The following CD48 variants were observed in gnomAD, a reference collection of about 807,000 sequenced individuals.
The protein encoded by CD48 is CD48 antigen.
In CD48, 20 loss-of-function variants were observed where a neutral mutation model predicts 22.0. The ratio of observed to expected loss-of-function variants is 0.91; its 90% CI spans 0.64 to 1.32. CD48 has a LOEUF of 1.32. Among genes scored for constraint, CD48 ranks in the 40% most tolerant of loss-of-function variants. The probability of loss-of-function intolerance (pLI) is 0.00; values close to 1 mark genes in which losing one functional copy is unlikely to be tolerated. For missense variants in CD48, 307 were observed against 286.5 expected (o/e 1.07, Z -0.52); for synonymous variants, 110 against 110.1 (o/e 1.00, Z 0.01).
At chr1:160,687,194 C>G (rs529198021) in intron 1 of CD48, among the ~76,000 whole-genome samples, 9 of 152,272 alleles carry the variant, frequency 5.9e-5, no homozygotes, top group Admixed American at 5.9e-4. Flanking sequence ...AAATATGGCT[C>G]TGTTCTGCCT....
chr1:160,683,478 C>G (rs371473463), intron 2 of CD48: 2 of 150,756 alleles, frequency 1.3e-5, no homozygotes, highest in African/African-American at 4.9e-5. Flanking sequence ...AGTATTTAAA[C>G]CACAGAAATT....
Position 160,711,727 on chromosome 1 carries a change from C to T in CD48, c.37G>A (p.Glu13Lys). Reference sequence around the variant, plus strand: ...AGTGACAGAGGCAGCAGTAGCAATTCCAGAGCCAGACACGAATCCCAACCT... The same window carrying T: ...AGTGACAGAGGCAGCAGTAGCAATTTCAGAGCCAGACACGAATCCCAACCT... ...SRGWDSCLAL[E>K]LLLLPLSLLV... The change falls in exon 1 of 4, where the codon GAA (glutamate) becomes AAA (lysine). Residue 13 changes from glutamate (E) to lysine (K), a missense_variant. By Grantham distance (56) the Glu-to-Lys change is moderately conservative. Transcript: ENST00000368046. 1.2e-6 allele frequency: 2 copies of T among 1,613,776 alleles called. No homozygotes were observed. Among genetic ancestry groups the T allele is most frequent in the Non-Finnish European group, 1.7e-6 (2 of 1,179,744 alleles).
In CD48 at chr1:160,687,305, A is replaced by G. The variant is rs185441803; in HGVS notation, c.83-2116T>C. Among the ~76,000 whole-genome samples the G allele has an allele frequency of 3.9e-4, 59 of 152,260 alleles. 1 individual carries two copies. In the East Asian group the frequency reaches 9.6e-3, roughly 25 times the overall value. On this transcript the variant is annotated intron_variant, in intron 1 of 3. Transcript: ENST00000368046. ...GGTGCCCAGATTTCATATTGTTTAAACACACGTGTTCTATAATTTGTGCAG... is the reference window on the plus strand; with the variant it reads ...GGTGCCCAGATTTCATATTGTTTAAGCACACGTGTTCTATAATTTGTGCAG...
intron 1 of CD48, 82 bp downstream of exon 1, chr1:160,711,600 G>A (rs1325018171): frequency 9.4e-7 from 1 of 1,058,474 alleles, no homozygotes; most frequent in Non-Finnish European, 1.5e-6. Context: ...GGCTTCTAGG[G>A]TTGAACTACA....
intron 1 of CD48, among the ~76,000 whole-genome samples, chr1:160,690,331 C>T (rs1426761572): frequency 6.6e-6 from 1 of 152,192 alleles, no homozygotes; most frequent in Non-Finnish European, 1.5e-5. Flanking sequence ...GAGACATGCA[C>T]ATATGACAGT....
chr1:160,710,768 C>T (rs549135815), intron 1 of CD48, among the ~76,000 whole-genome samples: 4 of 152,224 alleles, frequency 2.6e-5, no homozygotes, highest in South Asian at 2.1e-4. Context: ...TGTGAGAGAC[C>T]GATCCTCCAC....
chr1:160,706,400 G>A (rs1662797058), intron 1 of CD48, among the ~76,000 whole-genome samples: 1 of 152,128 alleles, frequency 6.6e-6, no homozygotes, highest in African/African-American at 2.4e-5. Context: ...GAGTGCTGAT[G>A]ACAGGTAAGC....
chr1:160,679,871 A>G (rs192591465), intron 3 of CD48, among the ~76,000 whole-genome samples: 2 of 152,192 alleles, frequency 1.3e-5, no homozygotes, highest in South Asian at 2.1e-4. Flanking sequence ...TGTGATATTG[A>G]TATGAGGGTG....
chr1:160,679,059 A>C lies in CD48; in HGVS notation c.725T>G (p.Leu242Arg). ...VTVPTILGLL[L>R]T ...GAGTTAAAAGAGCTCATCTCAGGTA[A>C]GTAACAGGCCAAGAATGGTGGGCAC... The change falls in exon 4 of 4, where the codon CTT (leucine) becomes CGT (arginine). Residue 242 changes from leucine (L) to arginine (R), a missense_variant. Coordinates refer to ENST00000368046, the MANE Select transcript of CD48 (RefSeq NM_001778.4). 6.2e-7 allele frequency: 1 copy of C among 1,613,632 alleles called. No homozygotes were observed. Among genetic ancestry groups the C allele is most frequent in the Non-Finnish European group, 8.5e-7 (1 of 1,179,494 alleles).
intron 3 of CD48, 61 bp downstream of exon 3, chr1:160,681,141 C>A: frequency 6.2e-7 from 1 of 1,613,206 alleles, no homozygotes; most frequent in African/African-American, 1.3e-5. Flanking sequence ...CCCAGCCTTT[C>A]TTTGTTCAAA....
intron 1 of CD48, among the ~76,000 whole-genome samples, chr1:160,697,781 A>G (rs1197950289): frequency 1.3e-5 from 2 of 152,102 alleles, no homozygotes; most frequent in African/African-American, 2.4e-5. Context: ...CGAAACTATT[A>G]TAGATTGGGC....
At chr1:160,698,226 T>G (rs907120709) in intron 1 of CD48, among the ~76,000 whole-genome samples, 7 of 152,184 alleles carry the variant, frequency 4.6e-5, no homozygotes, top group Admixed American at 1.3e-4. Flanking sequence ...TGTAGATTGT[T>G]TACTTGCATT....
At chr1:160,694,208 C>A (rs1379382627) in intron 1 of CD48, among the ~76,000 whole-genome samples, 1 of 152,204 alleles carries the variant, frequency 6.6e-6, no homozygotes, top group Non-Finnish European at 1.5e-5. Context: ...ATTACTCCTG[C>A]CATATATTAA....
In CD48 at chr1:160,679,036, G is replaced by A; in HGVS notation, c.*16C>T. ...CTTCTGGCCTTGAAGTTTCGCTTGA[G>A]TTAAAAGAGCTCATCTCAGGTAAGT... is the stretch of plus-strand genomic sequence containing the variant. On this transcript the variant is annotated 3_prime_UTR_variant, in exon 4 of 4. Coordinates refer to ENST00000368046, the MANE Select transcript of CD48 (RefSeq NM_001778.4). The A allele has an allele frequency of 6.2e-7, 1 of 1,606,228 alleles. No individual in the cohort carries two copies. The highest frequency in any genetic ancestry group is 1.1e-5 in the South Asian group (1 of 90,968).
Position 160,681,271 on chromosome 1 carries a change from T to C in CD48, c.583A>G (p.Thr195Ala), listed in dbSNP as rs376467965. ...CTCACAGAATTGCTGACTTGGCAAG[T>C]ATAACACCTGGAGTAATTATGTGGC... The part of the protein sequence containing the change: ...LMPHNYSRCY[T>A]CQVSNSVSSK... Residue 195 changes from threonine (T) to alanine (A), a missense_variant, in exon 3 of 4, where the codon ACT (threonine) becomes GCT (alanine). Physicochemically the swap from Thr to Ala is moderately conservative, Grantham distance 58 (BLOSUM62 0). Coordinates refer to ENST00000368046, the MANE Select transcript of CD48 (RefSeq NM_001778.4). 1 of 1,614,090 alleles carries C rather than the reference T, an allele frequency of 6.2e-7. No homozygotes were observed. Among genetic ancestry groups the C allele is most frequent in the African/African-American group, 1.3e-5 (1 of 74,934 alleles).
Position 160,711,700 on chromosome 1 carries a change from G to A in CD48, c.64C>T (p.Leu22=). ...AAAGTACCTTGAATGCTGGTCACCA[G>A]GAGTGACAGAGGCAGCAGTAGCAAT... ...LELLLLPLSL[L]VTSIQGHLVH... The change falls in exon 1 of 4, where the codon CTG becomes TTG. Residue 22 remains leucine, a synonymous_variant. Transcript: ENST00000368046. 6.2e-7 allele frequency: 1 copy of A among 1,611,250 alleles called. No homozygotes were observed. Among genetic ancestry groups the A allele is most frequent in the Non-Finnish European group, 8.5e-7 (1 of 1,177,424 alleles).
chr1:160,711,080 C>T (rs992213279), intron 1 of CD48, among the ~76,000 whole-genome samples: 1 of 152,102 alleles, frequency 6.6e-6, no homozygotes, highest in Non-Finnish European at 1.5e-5. Context: ...CAGGCTGTGG[C>T]AGAGGAATGG....
In CD48 at chr1:160,678,977, C is replaced by A; in HGVS notation, c.*75G>T. The A allele has an allele frequency of 1.9e-6, 2 of 1,072,754 alleles. No individual in the cohort carries two copies. The highest frequency in any genetic ancestry group is 2.9e-6 in the Non-Finnish European group (2 of 687,370). The allele number at this position is 1,072,754 out of a possible 1,614,324, so 66.5% of individuals were successfully genotyped here. ...TCTGGTCAGCCTATACAGTCTCTGT[C>A]CTGGTGAGGAGCATGATCACCAACA... On this transcript the variant is annotated 3_prime_UTR_variant, in exon 4 of 4. Coordinates refer to ENST00000368046, the MANE Select transcript of CD48 (RefSeq NM_001778.4).
At chr1:160,698,628 A>G (rs549545466) in intron 1 of CD48, among the ~76,000 whole-genome samples, 19 of 152,256 alleles carry the variant, frequency 1.2e-4, no homozygotes, top group African/African-American at 4.6e-4. Context: ...ACCTTAGAAC[A>G]TCATTTCCAG....
Sources: gnomAD v4.1 joint callset for allele counts (sites outside exome capture counted in the v4.1 genomes callset) on GRCh38, gnomAD v4.1.1 for gene constraint, MANE v1.5 for transcripts, NCBI Gene and HGNC (gene_info 2026-07-23, HGNC 2026-07-21) for gene names.